SEC31B: variants seen among roughly 807,000 people sequenced by gnomAD.
The protein encoded by SEC31B is protein transport protein Sec31B.
SEC31B carries 113 observed loss-of-function variants against 135.0 expected under a neutral mutation model. The ratio of observed to expected loss-of-function variants is 0.84; its 90% CI spans 0.72 to 0.98. The LOEUF (loss-of-function observed/expected upper bound fraction) is 0.98. Among genes scored for constraint, SEC31B ranks in the 50% least tolerant of loss-of-function variants. The pLI is 0.00. For synonymous variants in SEC31B, 508 were observed against 549.4 expected (o/e 0.92, Z 1.05); for missense variants, 1,296 against 1,421.1 (o/e 0.91, Z 1.42).
In SEC31B at chr10:100,498,743, G is replaced by A. The variant is rs747154299; in HGVS notation, c.1646C>T (p.Pro549Leu). The change falls in exon 14 of 26, where the codon CCT (proline) becomes CTT (leucine). Residue 549 changes from proline to leucine, a missense_variant. Coordinates refer to ENST00000370345, the MANE Select transcript of SEC31B (RefSeq NM_015490.4). Reference protein sequence around the residue: ...ASSAFFDELVPQNMTPWEIPI... With the variant: ...ASSAFFDELVLQNMTPWEIPI... Reference sequence around the variant, plus strand: ...GATCTCCCAAGGAGTCATGTTCTGAGGGACCAGCTCATCAAAGAAGGCTGA... The same window carrying A: ...GATCTCCCAAGGAGTCATGTTCTGAAGGACCAGCTCATCAAAGAAGGCTGA... 6.2e-6 allele frequency: 10 copies of A among 1,613,718 alleles called. No homozygotes were observed. The African/African-American group carries it at 8.0e-5, about 13-fold the overall frequency.
intron 19 of SEC31B, among the ~76,000 whole-genome samples, chr10:100,494,186 G>A (rs1052659386): frequency 8.6e-5 from 13 of 151,836 alleles, no homozygotes; most frequent in South Asian, 4.2e-4. Context: ...CAATCCCCCC[G>A]GGCACTTTGG....
chr10:100,499,604 A>AT lies in SEC31B; in HGVS notation c.1411-7_1411-6insA. ...GAGTCTTGCTCTAAGGTCACCTAAG[A>AT]AACCACAGAACACAGAAAAGATTCC... On this transcript the variant is annotated splice_polypyrimidine_tract_variant and splice_region_variant and intron_variant, in intron 11 of 25. Coordinates refer to ENST00000370345, the MANE Select transcript of SEC31B (RefSeq NM_015490.4). 6.3e-7 allele frequency: 1 copy of AT among 1,596,270 alleles called. No individual in the cohort carries two copies. Among genetic ancestry groups the AT allele is most frequent in the Non-Finnish European group, 8.6e-7 (1 of 1,168,870 alleles).
intron 11 of SEC31B, among the ~76,000 whole-genome samples, chr10:100,500,580 T>C (rs1374563834): frequency 1.3e-5 from 2 of 152,030 alleles, no homozygotes; most frequent in Non-Finnish European, 1.5e-5. Flanking sequence ...CCTCCCAAAT[T>C]GCTGGGATTA....
In SEC31B at chr10:100,496,341, T is replaced by C. The variant is rs1009121877; in HGVS notation, c.2227A>G (p.Arg743Gly). 6.2e-7 allele frequency: 1 copy of C among 1,614,218 alleles called. No homozygotes were observed. Reference protein sequence around the residue: ...GVSPGPATTYRVTQYANLLAA... With the variant: ...GVSPGPATTYGVTQYANLLAA... ...AGGAGGTTGGCATACTGAGTGACCC[T>C]GTAGGTTGTGGCAGGGCCTGGGCTC... is the stretch of plus-strand genomic sequence containing the variant. The change falls in exon 18 of 26, where the codon AGG (arginine) becomes GGG (glycine). Residue 743 changes from arginine to glycine, a missense_variant. Arg to Gly is a moderately radical substitution (Grantham distance 125). Transcript: ENST00000370345.
chr10:100,514,488 A>G (rs2133698541), intron 3 of SEC31B, among the ~76,000 whole-genome samples: 1 of 152,216 alleles, frequency 6.6e-6, no homozygotes, highest in Non-Finnish European at 1.5e-5. Context: ...AGAGTATCTA[A>G]TCATCATCAG....
In SEC31B at chr10:100,490,875, A is replaced by T. The variant is rs770482652; in HGVS notation, c.2481T>A (p.Thr827=). 1 of 1,484,402 alleles carries T rather than the reference A, an allele frequency of 6.7e-7. No individual in the cohort carries two copies. The highest frequency in any genetic ancestry group is 1.9e-5 in the Admixed American group (1 of 51,874). 92.0% of individuals were successfully genotyped at this position (1,484,402 alleles called of 1,614,324 possible). ...TGAAAACCCTTGGCCTTGGAGATGG[A>T]GTTGGGACCTATGAAGAGAAAAAAA... ...LGSQPSHQVP[T]PSPRPRVFTP... Residue 827 remains threonine, a synonymous_variant, in exon 20 of 26, where the codon ACT becomes ACA. Coordinates refer to ENST00000370345, the MANE Select transcript of SEC31B (RefSeq NM_015490.4).
intron 1 of SEC31B, among the ~76,000 whole-genome samples, chr10:100,518,476 C>T (rs574873049): frequency 6.6e-6 from 1 of 152,306 alleles, no homozygotes; most frequent in South Asian, 2.1e-4. Flanking sequence ...TTGTCAGTCT[C>T]TTCCACTAAT....
chr10:100,488,739 G>A, intron 24 of SEC31B, 119 bp downstream of exon 24: 1 of 1,339,904 alleles, frequency 7.5e-7, no homozygotes, highest in Non-Finnish European at 1.0e-6. Context: ...GTACAAGATA[G>A]AGACAGCATG....
rs1331738478 is a variant in SEC31B, at chr10:100,498,106, C to T, written c.1786G>A (p.Ala596Thr). The T allele has an allele frequency of 1.2e-6, 2 of 1,614,164 alleles. No homozygotes were observed. Among genetic ancestry groups the T allele is most frequent in the East Asian group, 2.2e-5 (1 of 44,880 alleles). Reference sequence around the variant, plus strand: ...AGCAGATCTGTACCCCCAGCCTGGGCCAGGATAATGGCATCAGCAAAGCGC... The same window carrying T: ...AGCAGATCTGTACCCCCAGCCTGGGTCAGGATAATGGCATCAGCAAAGCGC... ...EERFADAIIL[A>T]QAGGTDLLKQ... Residue 596 changes from alanine to threonine, a missense_variant, in exon 15 of 26, where the codon GCC becomes ACC. Transcript: ENST00000370345.
intron 24 of SEC31B, 61 bp from the exon 25 acceptor site, chr10:100,488,159 A>C: frequency 6.9e-7 from 1 of 1,455,898 alleles, no homozygotes; most frequent in East Asian, 2.3e-5. Flanking sequence ...ACAGGGCCAT[A>C]AAGAATCACA....
At chr10:100,489,669 G>A (rs748926140) in intron 22 of SEC31B, 34 bp downstream of exon 22, 73 of 1,613,962 alleles carry the variant, frequency 4.5e-5, no homozygotes, top group East Asian at 1.1e-4. Flanking sequence ...ATTGGTGAAT[G>A]TGCGAGGGAG....
chr10:100,495,835 A>G (rs374534236), intron 18 of SEC31B, among the ~76,000 whole-genome samples: 2 of 151,894 alleles, frequency 1.3e-5, no homozygotes, highest in Non-Finnish European at 2.9e-5. Flanking sequence ...ACCCTTGGAC[A>G]CCCCCGCTCT....
chr10:100,514,185 C>T (rs554344798), intron 3 of SEC31B, among the ~76,000 whole-genome samples: 62 of 152,046 alleles, frequency 4.1e-4, no homozygotes, highest in African/African-American at 1.4e-3. Context: ...ATTCTGTCTC[C>T]AGAAAACAAA....
chr10:100,498,660 C>G, intron 14 of SEC31B, 45 bp downstream of exon 14: 3 of 1,449,862 alleles, frequency 2.1e-6, no homozygotes, highest in Non-Finnish European at 1.9e-6. Flanking sequence ...CCGTGCCCAC[C>G]TAGTCCTAAG....
Position 100,493,472 on chromosome 10 carries a change from A to T in SEC31B, c.2472+1913T>A, listed in dbSNP as rs143313068. 3.9e-5 allele frequency among the ~76,000 whole-genome samples: 6 copies of T among 152,334 alleles called. No homozygotes were observed. The East Asian group carries it at 1.2e-3, about 29-fold the overall frequency. The stretch of plus-strand genomic sequence containing the variant: ...CTGGTACACAGAACAACTTGAATGA[A>T]CCTCAAAGAAGTTATGCTAAGGGAG... On this transcript the variant is annotated intron_variant, in intron 19 of 25. Transcript: ENST00000370345.
chr10:100,501,792 G>T, intron 11 of SEC31B: 1 of 171,198 alleles, frequency 5.8e-6, no homozygotes, highest in Non-Finnish European at 1.3e-5. Context: ...CTGAACCCTA[G>T]GACCCACTCC....
chr10:100,493,620 C>T (rs1258264093), intron 19 of SEC31B, among the ~76,000 whole-genome samples: 4 of 152,116 alleles, frequency 2.6e-5, no homozygotes, highest in African/African-American at 9.7e-5. Context: ...AGAATAAGTG[C>T]AGCTATAAAA....
At chr10:100,514,555 G>A (rs1851791649) in intron 3 of SEC31B, among the ~76,000 whole-genome samples, 2 of 148,538 alleles carry the variant, frequency 1.3e-5, no homozygotes, top group African/African-American at 5.0e-5. Flanking sequence ...ACAAAGAGAT[G>A]TAAAAAAAAA....
intron 24 of SEC31B, among the ~76,000 whole-genome samples, chr10:100,488,466 A>G (rs1394834460): frequency 1.3e-5 from 2 of 151,904 alleles, no homozygotes; most frequent in Non-Finnish European, 2.9e-5. Flanking sequence ...CTCAAAAAAA[A>G]AAAAAAAAAA....
Sources: gnomAD v4.1 joint callset for allele counts (sites outside exome capture counted in the v4.1 genomes callset) on GRCh38, gnomAD v4.1.1 for gene constraint, MANE v1.5 for transcripts, NCBI Gene and HGNC (gene_info 2026-07-23, HGNC 2026-07-21) for gene names.